Variants in WWOX observed in about 807,000 individuals in gnomAD.
The protein encoded by WWOX is WW domain-containing oxidoreductase.
Under a neutral mutation model 46.2 loss-of-function variants are expected in WWOX, and 69 were observed. The observed-to-expected ratio is 1.49, with a 90% confidence interval of 1.23 to 1.82. The LOEUF is 1.82. WWOX is among the 40% of genes most tolerant of loss of function. The pLI, the probability that WWOX is intolerant of heterozygous loss-of-function variation, is 0.00. For missense variants in WWOX, 919 were observed against 542.6 expected (o/e 1.69, Z -6.89); for synonymous variants, 359 against 202.6 (o/e 1.77, Z -6.56).
rs189414441 is a variant in WWOX, at chr16:78,952,725, A to G, written c.1057-258883A>G. On this transcript the variant is annotated intron_variant, in intron 8 of 8. Transcript: ENST00000566780. ...TATTAATTCCTATTTTTCCCACCTG[A>G]CAGTACGCTCCGTAGGGCATGTGTT... Among the ~76,000 whole-genome samples the G allele has an allele frequency of 5.3e-4, 80 of 152,018 alleles. 1 individual carries two copies. The East Asian group carries it at 6.0e-3, about 11-fold the overall frequency.
At position 78,627,166 on chromosome 16, in the gene WWOX, C is replaced by G. The variant is rs562003901; in HGVS notation, c.1056+194414C>G. On this transcript the variant is annotated intron_variant, in intron 8 of 8. Coordinates refer to ENST00000566780, the MANE Select transcript of WWOX (RefSeq NM_016373.4). ...GCAGTAGGCAGTGTGGGTGAGTTCTCCCACTTTACATTTTACTTTGCATAA... is the reference window on the plus strand; with the variant it reads ...GCAGTAGGCAGTGTGGGTGAGTTCTGCCACTTTACATTTTACTTTGCATAA... Among the ~76,000 whole-genome samples the G allele has an allele frequency of 2.6e-5, 4 of 152,140 alleles. No homozygotes were observed. In the East Asian group the frequency reaches 7.7e-4, roughly 29 times the overall value.
At chr16:78,420,876 C>T (rs1417576358) in intron 6 of WWOX, among the ~76,000 whole-genome samples, 1 of 151,906 alleles carries the variant, frequency 6.6e-6, no homozygotes, top group Non-Finnish European at 1.5e-5. Flanking sequence ...AAAAAGTAAT[C>T]CTGACTGTAT....
At chr16:79,038,076 A>G (rs1423193486) in intron 8 of WWOX, among the ~76,000 whole-genome samples, 1 of 152,030 alleles carries the variant, frequency 6.6e-6, no homozygotes, top group African/African-American at 2.4e-5. Flanking sequence ...TCCCTCCTCA[A>G]CAATTAATTC....
rs1358093079 is a variant in WWOX at position 78,348,663 on chromosome 16, G to A, written c.517-38197G>A. On this transcript the variant is annotated intron_variant, in intron 5 of 8. Coordinates refer to ENST00000566780, the MANE Select transcript of WWOX (RefSeq NM_016373.4). ...TGTAGAGACGGGCTTTCCCCATGTT[G>A]CCCAGGCTGGTCTCTAACTCCTGAG... Among the ~76,000 whole-genome samples, 4 of 119,180 alleles carry A rather than the reference G, an allele frequency of 3.4e-5. 2 individuals are homozygous for A. Among genetic ancestry groups the A allele is most frequent in the African/African-American group, 1.1e-4 (4 of 35,070 alleles). 78.2% of individuals were successfully genotyped at this position (119,180 alleles called of 152,430 possible). A position where few individuals can be genotyped will look rare whatever the true frequency, so the allele number is the denominator to read the frequency against.
At chr16:78,381,348 G>C (rs74784426) in intron 5 of WWOX, among the ~76,000 whole-genome samples, 3,628 of 152,262 alleles carry the variant, frequency 0.024, 146 homozygotes, top group African/African-American at 0.083. Context: ...AGATGAAGAA[G>C]ACTTAGTGTA....
intron 6 of WWOX, among the ~76,000 whole-genome samples, chr16:78,404,569 G>A (rs915933196): frequency 1.3e-5 from 2 of 151,996 alleles, no homozygotes; most frequent in African/African-American, 4.8e-5. Context: ...TTCTACTTTG[G>A]CCTATCAAAT....
intron 5 of WWOX, among the ~76,000 whole-genome samples, chr16:78,164,694 A>T (rs1267837323): frequency 6.6e-6 from 1 of 152,202 alleles, no homozygotes; most frequent in Admixed American, 6.5e-5. Flanking sequence ...GTTGATGTTG[A>T]TACGTGTCTA....
chr16:78,513,124 C>T (rs181561267), intron 8 of WWOX, among the ~76,000 whole-genome samples: 2 of 152,196 alleles, frequency 1.3e-5, no homozygotes, highest in African/African-American at 2.4e-5. Context: ...TCATTCTCTC[C>T]GTTGGTCATG....
At chr16:78,832,438 A>C (rs986562270) in intron 8 of WWOX, among the ~76,000 whole-genome samples, 3 of 152,198 alleles carry the variant, frequency 2.0e-5, no homozygotes, top group African/African-American at 7.2e-5. Flanking sequence ...ATACTAGTAA[A>C]GACCATAGTT....
chr16:78,486,457 C>G (rs914276348), intron 8 of WWOX, among the ~76,000 whole-genome samples: 3 of 152,086 alleles, frequency 2.0e-5, no homozygotes, highest in African/African-American at 7.2e-5. Flanking sequence ...ATGAGTGTGC[C>G]CAACAACTAG....
chr16:78,421,304 C>T (rs554351558), intron 6 of WWOX, among the ~76,000 whole-genome samples: 33 of 152,220 alleles, frequency 2.2e-4, no homozygotes, highest in African/African-American at 7.9e-4. Flanking sequence ...ATGCCTTTCT[C>T]CTAGCTTCCC....
intron 8 of WWOX, among the ~76,000 whole-genome samples, chr16:79,090,336 T>C (rs1439160319): frequency 6.6e-6 from 1 of 150,490 alleles, no homozygotes; most frequent in Non-Finnish European, 1.5e-5. Flanking sequence ...TGTGTTGCAT[T>C]GGTGTCTAAA....
At chr16:78,306,616 C>T (rs548096154) in intron 5 of WWOX, among the ~76,000 whole-genome samples, 7 of 152,236 alleles carry the variant, frequency 4.6e-5, no homozygotes, top group African/African-American at 1.7e-4. Context: ...ATTGCCTTCC[C>T]ACAATTCCCA....
intron 8 of WWOX, among the ~76,000 whole-genome samples, chr16:78,699,247 C>A (rs1239517722): frequency 2.0e-5 from 3 of 152,136 alleles, no homozygotes; most frequent in African/African-American, 7.2e-5. Context: ...ATTACAAGTT[C>A]ATGCAGCACG....
chr16:78,717,544 C>A (rs998002379), intron 8 of WWOX, among the ~76,000 whole-genome samples: 2 of 152,134 alleles, frequency 1.3e-5, no homozygotes, highest in Non-Finnish European at 2.9e-5. Flanking sequence ...ATGTGATTTG[C>A]TCTCTTTGAT....
chr16:78,367,984 T>G (rs989468673), intron 5 of WWOX, among the ~76,000 whole-genome samples: 1 of 152,096 alleles, frequency 6.6e-6, no homozygotes, highest in Non-Finnish European at 1.5e-5. Flanking sequence ...GTCAAACTCC[T>G]GATCTTAGGT....
intron 8 of WWOX, among the ~76,000 whole-genome samples, chr16:78,693,682 A>G (rs1427907131): frequency 6.6e-6 from 1 of 152,096 alleles, no homozygotes; most frequent in African/African-American, 2.4e-5. Flanking sequence ...CATCGAGTGG[A>G]TGGAGGGCAG....
Position 78,776,769 on chromosome 16 carries a change from AG to A in WWOX, c.1056+344019del, listed in dbSNP as rs1220784630. Among the ~76,000 whole-genome samples the A allele has an allele frequency of 2.0e-5, 3 of 152,278 alleles. No homozygotes were observed. In the East Asian group the frequency reaches 5.8e-4, roughly 29 times the overall value. ...AAGCTAGTGCACCTTACATGGCGGC[AG>A]GCAAGAGGGGCAGGGAGGGAGAGAG... On this transcript the variant is annotated intron_variant, in intron 8 of 8. Transcript: ENST00000566780.
chr16:79,173,788 T>C (rs1259175779), intron 8 of WWOX, among the ~76,000 whole-genome samples: 3 of 152,074 alleles, frequency 2.0e-5, no homozygotes, highest in Non-Finnish European at 4.4e-5. Context: ...ATACTTATGA[T>C]AAAAGGTTTA....
Sources: gnomAD v4.1 joint callset for allele counts (sites outside exome capture counted in the v4.1 genomes callset) on GRCh38, gnomAD v4.1.1 for gene constraint, MANE v1.5 for transcripts, NCBI Gene and HGNC (gene_info 2026-07-23, HGNC 2026-07-21) for gene names.